BMP2K: variants seen among roughly 807,000 people sequenced by gnomAD.
BMP2K encodes BMP-2-inducible protein kinase.
In BMP2K, 74 loss-of-function variants were observed where a neutral mutation model predicts 116.0. That is an observed-to-expected ratio of 0.64 (90% CI 0.53 to 0.77). The LOEUF (loss-of-function observed/expected upper bound fraction) is 0.77, where lower values mean the gene tolerates loss of function less well. BMP2K is among the 30% of genes least tolerant of loss of function. The pLI is 0.00. For synonymous variants in BMP2K, 486 were observed against 502.5 expected, an observed-to-expected ratio of 0.97 and a Z score of 0.44; for missense variants, 1,365 against 1,403.6, an observed-to-expected ratio of 0.97 and a Z score of 0.44.
rs1734985998 is a variant in BMP2K, at chr4:78,915,651, C to T, written c.*3618C>T. ...TAAAAATATGTACACACATGCATGT[C>T]ACATCTCTCTACTGTGGAGTTAATG... On this transcript the variant is annotated 3_prime_UTR_variant, in exon 16 of 16. Transcript: ENST00000502613. 1 of 151,818 alleles carries T rather than the reference C, an allele frequency of 6.6e-6. No individual in the cohort carries two copies. Among genetic ancestry groups the T allele is most frequent in the African/African-American group, 2.4e-5 (1 of 41,378 alleles). The allele number at this position is 151,818 out of a possible 1,614,324, so 9.4% of individuals were successfully genotyped here. A position where few individuals can be genotyped will look rare whatever the true frequency, so the allele number is the denominator to read the frequency against.
chr4:78,787,104 T>G (rs1372747412), intron 1 of BMP2K, among the ~76,000 whole-genome samples: 1 of 152,146 alleles, frequency 6.6e-6, no homozygotes, highest in African/African-American at 2.4e-5. Context: ...TAGTATTGAG[T>G]ACCTCTGTAA....
intron 6 of BMP2K, among the ~76,000 whole-genome samples, chr4:78,849,747 A>G (rs1731162973): frequency 6.6e-6 from 1 of 151,744 alleles, no homozygotes; most frequent in Admixed American, 6.6e-5. Flanking sequence ...TTTGTCATGT[A>G]ATAACCCAGT....
At chr4:78,865,764 A>T (rs757019168) in intron 10 of BMP2K, 44 bp downstream of exon 10, 1 of 1,565,922 alleles carries the variant, frequency 6.4e-7, no homozygotes, top group South Asian at 1.1e-5. Flanking sequence ...GGTTAATGTT[A>T]ATAAACCTTT....
chr4:78,884,035 GCT>G (rs1484276530), intron 14 of BMP2K, among the ~76,000 whole-genome samples: 1 of 152,022 alleles, frequency 6.6e-6, no homozygotes, highest in African/African-American at 2.4e-5. Flanking sequence ...AAACAGCAAG[GCT>G]CTGTCTCACA....
Position 78,872,698 on chromosome 4 carries a change from C to G in BMP2K, c.1693C>G (p.Leu565Val). The change falls in exon 13 of 16, where the codon CTT becomes GTT. Residue 565 changes from leucine to valine, a missense_variant. By Grantham distance (32) the Leu-to-Val change is conservative (BLOSUM62 1). Around this residue, in one of 3 missense-constraint regions of BMP2K, gnomAD observed 762 missense variants for 756.7 expected, o/e 1.01. Transcript: ENST00000502613. ...TCAACAACAGGCATCACCTGAATAT[C>G]TTACCTCCCCTCAAGAGTTCTCACC... ...PSQQQASPEY[L>V]TSPQEFSPAL... 1 of 1,614,148 alleles carries G rather than the reference C, an allele frequency of 6.2e-7. No homozygotes were observed. The highest frequency in any genetic ancestry group is 8.5e-7 in the Non-Finnish European group (1 of 1,180,008).
chr4:78,800,764 C>A lies in BMP2K; in HGVS notation c.178+24043C>A, dbSNP rs181895234. On this transcript the variant is annotated intron_variant, in intron 1 of 15. Coordinates refer to ENST00000502613, the MANE Select transcript of BMP2K (RefSeq NM_198892.2). ...CATCTAAAAAATGGCAAACTCAACT[C>A]ATGTTAATGGTTTTAGATTGAATTG... Among the ~76,000 whole-genome samples, 393 of 152,128 alleles carry A rather than the reference C, an allele frequency of 2.6e-3. 1 individual carries two copies. The highest frequency in any genetic ancestry group is 4.4e-3 in the Non-Finnish European group (301 of 67,984).
intron 14 of BMP2K, among the ~76,000 whole-genome samples, chr4:78,885,233 A>T (rs1247502003): frequency 6.6e-5 from 10 of 152,246 alleles, no homozygotes; most frequent in Admixed American, 6.5e-4. Flanking sequence ...TGCAGAGTTC[A>T]TCTTAGCTGT....
chr4:78,776,806 A>G (rs1727271933), intron 1 of BMP2K, 85 bp downstream of exon 1: 1 of 1,139,284 alleles, frequency 8.8e-7, no homozygotes, highest in South Asian at 4.3e-5. Flanking sequence ...CGCCCTCCGG[A>G]CTGACTCTTA....
intron 4 of BMP2K, among the ~76,000 whole-genome samples, chr4:78,843,488 G>A (rs1245092493): frequency 6.6e-6 from 1 of 151,432 alleles, no homozygotes; most frequent in Non-Finnish European, 1.5e-5. Context: ...CTGATACATA[G>A]CAGAGTCTTA....
chr4:78,829,402 G>GTTTTT (rs79345386), intron 2 of BMP2K, among the ~76,000 whole-genome samples: 6 of 133,854 alleles, frequency 4.5e-5, no homozygotes, highest in Non-Finnish European at 6.7e-5. Flanking sequence ...ATAGTTTTTT[G>GTTTTT]TTTTTTTTTT....
intron 1 of BMP2K, among the ~76,000 whole-genome samples, chr4:78,814,575 T>C (rs1291634712): frequency 6.6e-6 from 1 of 152,122 alleles, no homozygotes; most frequent in Non-Finnish European, 1.5e-5. Context: ...CCCCTTTTGC[T>C]TAGCACTTCT....
At chr4:78,785,867 C>T (rs1727701863) in intron 1 of BMP2K, among the ~76,000 whole-genome samples, 1 of 152,108 alleles carries the variant, frequency 6.6e-6, no homozygotes, top group African/African-American at 2.4e-5. Context: ...TCTTGTATTC[C>T]TTCCAGTTTA....
intron 15 of BMP2K, among the ~76,000 whole-genome samples, chr4:78,904,468 A>C (rs534214195): frequency 6.6e-6 from 1 of 152,024 alleles, no homozygotes; most frequent in African/African-American, 2.4e-5. Context: ...CAATACTTGT[A>C]ATTTTCCTGA....
At chr4:78,782,456 AT>A (rs1237702363) in intron 1 of BMP2K, among the ~76,000 whole-genome samples, 1 of 152,148 alleles carries the variant, frequency 6.6e-6, no homozygotes, top group Non-Finnish European at 1.5e-5. Context: ...TGATTTTTTT[AT>A]TTTTAATCAG....
At position 78,831,291 on chromosome 4, in the gene BMP2K, T is replaced by C. The variant is rs576715609; in HGVS notation, c.298-2291T>C. ...TCACAGATTATCATAACTGTTGTTA[T>C]AATAATGGCAAAGTTTGAAATAGTA... is the stretch of plus-strand genomic sequence containing the variant. On this transcript the variant is annotated intron_variant, in intron 2 of 15. Transcript: ENST00000502613. 2.7e-4 allele frequency among the ~76,000 whole-genome samples: 41 copies of C among 152,338 alleles called. No individual in the cohort carries two copies. In the East Asian group the frequency reaches 3.5e-3, roughly 13 times the overall value.
chr4:78,845,509 G>T (rs1479360439), intron 5 of BMP2K, among the ~76,000 whole-genome samples: 1 of 151,546 alleles, frequency 6.6e-6, no homozygotes, highest in Non-Finnish European at 1.5e-5. Context: ...CATCATCACT[G>T]TTACTTTGTA....
At chr4:78,830,976 T>A (rs992516403) in intron 2 of BMP2K, among the ~76,000 whole-genome samples, 3 of 152,248 alleles carry the variant, frequency 2.0e-5, no homozygotes, top group African/African-American at 7.2e-5. Flanking sequence ...CATTCAAAAT[T>A]TGGCTGACTG....
intron 1 of BMP2K, among the ~76,000 whole-genome samples, chr4:78,788,790 T>C (rs1314391403): frequency 6.6e-6 from 1 of 151,796 alleles, no homozygotes; most frequent in Non-Finnish European, 1.5e-5. Context: ...TATGAATCCA[T>C]AGTGTTCGAG....
At chr4:78,859,719 A>T in intron 8 of BMP2K, 32 bp downstream of exon 8, 1 of 1,404,004 alleles carries the variant, frequency 7.1e-7, no homozygotes. Context: ...ATATGAATTT[A>T]AAATTCATTT....
Sources: gnomAD v4.1 joint callset for allele counts (sites outside exome capture counted in the v4.1 genomes callset) on GRCh38, gnomAD v4.1.1 for gene constraint, gnomAD v4.1.1 regional missense constraint, MANE v1.5 for transcripts, NCBI Gene and HGNC (gene_info 2026-07-23, HGNC 2026-07-21) for gene names.